Variants in CYB5R4 observed in about 807,000 individuals in gnomAD.
CYB5R4 encodes the protein N-terminal cytochrome b5 and cytochrome b5 oxidoreductase domain-containing protein.
Under a neutral mutation model 70.2 loss-of-function variants are expected in CYB5R4, and 55 were observed. That is an observed-to-expected ratio of 0.78 (90% CI 0.63 to 0.98). The LOEUF is 0.98. CYB5R4 is among the 50% of genes least tolerant of loss of function. The pLI, the probability that CYB5R4 is intolerant of heterozygous loss-of-function variation, is 0.00. For missense variants in CYB5R4, 562 were observed against 612.6 expected, an observed-to-expected ratio of 0.92 and a Z score of 0.87; for synonymous variants, 197 against 199.5, an observed-to-expected ratio of 0.99 and a Z score of 0.11.
intron 3 of CYB5R4, among the ~76,000 whole-genome samples, chr6:83,906,835 A>G (rs547323941): frequency 1.3e-5 from 2 of 152,364 alleles, no homozygotes; most frequent in African/African-American, 4.8e-5. Context: ...GGAATATACC[A>G]TAAAGATTCC....
intron 3 of CYB5R4, among the ~76,000 whole-genome samples, chr6:83,896,102 G>T (rs756317560): frequency 6.6e-6 from 1 of 151,894 alleles, no homozygotes; most frequent in Non-Finnish European, 1.5e-5. Flanking sequence ...TTGAATTCCC[G>T]GAGTAATCTT....
intron 3 of CYB5R4, among the ~76,000 whole-genome samples, chr6:83,902,293 A>G (rs2099463103): frequency 6.6e-6 from 1 of 152,020 alleles, no homozygotes; most frequent in Admixed American, 6.5e-5. Context: ...TCCTCATTGT[A>G]TATTCTTGAC....
At chr6:83,880,749 A>C (rs2099459312) in intron 2 of CYB5R4, among the ~76,000 whole-genome samples, 1 of 152,196 alleles carries the variant, frequency 6.6e-6, no homozygotes, top group African/African-American at 2.4e-5. Context: ...GATCTTTGAT[A>C]ATTATGCCTA....
intron 2 of CYB5R4, among the ~76,000 whole-genome samples, chr6:83,881,676 C>T (rs1322847955): frequency 6.6e-6 from 1 of 152,188 alleles, no homozygotes; most frequent in African/African-American, 2.4e-5. Context: ...GTTTGGTTTT[C>T]AGGCTTCCAG....
intron 12 of CYB5R4, among the ~76,000 whole-genome samples, chr6:83,938,072 CT>C: frequency 6.6e-6 from 1 of 152,254 alleles, no homozygotes; most frequent in South Asian, 2.1e-4. Context: ...AGATATGATT[CT>C]GCTAATTATG....
At chr6:83,863,493 G>C (rs531599491) in intron 1 of CYB5R4, among the ~76,000 whole-genome samples, 37 of 152,218 alleles carry the variant, frequency 2.4e-4, no homozygotes, top group African/African-American at 8.2e-4. Flanking sequence ...ATAGTTAATT[G>C]TCTCTTTACC....
At chr6:83,879,971 A>G (rs752846890) in intron 2 of CYB5R4, among the ~76,000 whole-genome samples, 1 of 152,094 alleles carries the variant, frequency 6.6e-6, no homozygotes, top group Non-Finnish European at 1.5e-5. Context: ...AATTTAGATC[A>G]TCTGGTTGCC....
At chr6:83,877,472 T>A (rs992859686) in intron 2 of CYB5R4, among the ~76,000 whole-genome samples, 9 of 148,574 alleles carry the variant, frequency 6.1e-5, no homozygotes, top group African/African-American at 1.7e-4. Context: ...CATCTGCATC[T>A]GGTGAGGGTC....
intron 3 of CYB5R4, 43 bp from the exon 4 acceptor site, chr6:83,908,966 G>C: frequency 6.6e-7 from 1 of 1,510,228 alleles, no homozygotes; most frequent in South Asian, 1.1e-5. Context: ...GCATCCTGTG[G>C]AGTTAGTCAT....
At chr6:83,920,729 A>AT (rs1186788279) in intron 7 of CYB5R4, among the ~76,000 whole-genome samples, 3 of 107,374 alleles carry the variant, frequency 2.8e-5, no homozygotes, top group Non-Finnish European at 5.2e-5. Flanking sequence ...GCTGATTGTA[A>AT]TTTTCTGGGG....
chr6:83,951,683 T>A (rs762947504), intron 14 of CYB5R4, among the ~76,000 whole-genome samples: 95 of 152,210 alleles, frequency 6.2e-4, no homozygotes, highest in African/African-American at 2.3e-3. Flanking sequence ...CAGTCTAACA[T>A]TGATGGACAT....
intron 14 of CYB5R4, among the ~76,000 whole-genome samples, chr6:83,945,004 TAGAC>T (rs138920386): frequency 0.044 from 6,673 of 152,144 alleles, 150 homozygotes; most frequent in African/African-American, 0.05. Context: ...CTGTCAATAT[TAGAC>T]AGATCAATGA....
chr6:83,894,507 G>T (rs953264436), intron 3 of CYB5R4, among the ~76,000 whole-genome samples: 2 of 152,040 alleles, frequency 1.3e-5, no homozygotes, highest in African/African-American at 2.4e-5. Flanking sequence ...GCCAGAAATA[G>T]AATTTGTTTT....
chr6:83,906,333 T>A (rs1413888346), intron 3 of CYB5R4, among the ~76,000 whole-genome samples: 1 of 152,166 alleles, frequency 6.6e-6, no homozygotes, highest in East Asian at 1.9e-4. Context: ...TCTGCTGGGT[T>A]CTAGTACAGT....
chr6:83,877,849 T>G (rs1443333017), intron 2 of CYB5R4, among the ~76,000 whole-genome samples: 1 of 152,206 alleles, frequency 6.6e-6, no homozygotes, highest in Non-Finnish European at 1.5e-5. Flanking sequence ...TGGTTTTCCC[T>G]GTATTTTTCC....
chr6:83,924,661 A>G, intron 10 of CYB5R4, 69 bp downstream of exon 10: 1 of 1,520,644 alleles, frequency 6.6e-7, no homozygotes, highest in Non-Finnish European at 9.0e-7. Context: ...CAGTTGTACC[A>G]GAGTTTGGAA....
At chr6:83,928,518 A>G (rs1044546803) in intron 10 of CYB5R4, among the ~76,000 whole-genome samples, 1 of 152,174 alleles carries the variant, frequency 6.6e-6, no homozygotes, top group East Asian at 1.9e-4. Flanking sequence ...AAACAAAACA[A>G]AAACTATATG....
Position 83,923,994 on chromosome 6 carries a change from C to T in CYB5R4, c.692-476C>T, listed in dbSNP as rs571238269. Among the ~76,000 whole-genome samples, 5 of 138,680 alleles carry T rather than the reference C, an allele frequency of 3.6e-5. No individual in the cohort carries two copies. In the South Asian group the frequency reaches 6.8e-4, roughly 19 times the overall value. The allele number at this position is 138,680 out of a possible 152,430, so 91.0% of individuals were successfully genotyped here. On this transcript the variant is annotated intron_variant, in intron 9 of 15. Transcript: ENST00000369681. The stretch of plus-strand genomic sequence containing the variant: ...CTGAGGCAGGAGAATGGCGTGAACC[C>T]GGGAGGCGGAGCTTGCAGTGAGCCA...
chr6:83,882,241 G>A (rs1381580251), intron 2 of CYB5R4, among the ~76,000 whole-genome samples: 2 of 152,136 alleles, frequency 1.3e-5, no homozygotes, highest in Non-Finnish European at 2.9e-5. Context: ...TGAAAACTCA[G>A]GTGGAGACTC....
Sources: allele counts gnomAD v4.1 joint callset (sites outside exome capture counted in the v4.1 genomes callset), GRCh38; gene constraint gnomAD v4.1.1; transcripts MANE v1.5; gene names NCBI Gene and HGNC (gene_info 2026-07-23, HGNC 2026-07-21).